PCLO: variants seen among roughly 807,000 people sequenced by gnomAD.
PCLO encodes the protein piccolo presynaptic cytomatrix protein, also known as protein piccolo.
In PCLO, 82 loss-of-function variants were observed where a neutral mutation model predicts 427.5. That is an observed-to-expected ratio of 0.19 (90% CI 0.16 to 0.23). PCLO has a LOEUF of 0.23. Ranked by LOEUF, PCLO falls within the 10% of genes least tolerant of loss-of-function variation. The pLI is 1.00. For missense variants in PCLO, 6,239 were observed against 6,115.9 expected, an observed-to-expected ratio of 1.02 and a Z score of -0.67; for synonymous variants, 2,357 against 2,155.4, an observed-to-expected ratio of 1.09 and a Z score of -2.59.
At chr7:82,969,144 G>A (rs1795847611) in intron 3 of PCLO, among the ~76,000 whole-genome samples, 1 of 152,066 alleles carries the variant, frequency 6.6e-6, no homozygotes, top group Non-Finnish European at 1.5e-5. Context: ...AGAAAAATGT[G>A]TTGAGAAAAT....
chr7:82,955,173 T>G lies in PCLO; in HGVS notation c.5780A>C (p.Lys1927Thr). Residue 1927 changes from lysine to threonine, a missense_variant, in exon 5 of 25, where the codon AAA becomes ACA. This residue lies in a region of PCLO where 4,677 missense variants were observed against 4,468.4 expected (regional missense o/e 1.05). Transcript: ENST00000333891. Reference protein sequence around the residue: ...MYEEMMHKTHKYKAFPAANER... With the variant: ...MYEEMMHKTHTYKAFPAANER... ...ATTTGCAGCTGGAAAAGCTTTGTAT[T>G]TGTGTGTTTTATGCATCATTTCTTC... 1 of 1,613,884 alleles carries G rather than the reference T, an allele frequency of 6.2e-7. No homozygotes were observed. Among genetic ancestry groups the G allele is most frequent in the Admixed American group, 1.7e-5 (1 of 60,020 alleles).
At chr7:83,146,811 A>G (rs962327848) in intron 2 of PCLO, among the ~76,000 whole-genome samples, 9 of 152,052 alleles carry the variant, frequency 5.9e-5, no homozygotes, top group African/African-American at 2.2e-4. Flanking sequence ...CATGTTGGCC[A>G]GGCTGATCTC....
chr7:83,025,141 C>T (rs996762867), intron 3 of PCLO, among the ~76,000 whole-genome samples: 20 of 151,920 alleles, frequency 1.3e-4, no homozygotes, highest in Non-Finnish European at 2.5e-4. Flanking sequence ...AGGCTTCAGA[C>T]GATCAAATTA....
intron 3 of PCLO, among the ~76,000 whole-genome samples, chr7:83,013,993 T>C (rs1273164801): frequency 1.3e-5 from 2 of 152,176 alleles, no homozygotes; most frequent in African/African-American, 2.4e-5. Flanking sequence ...TTTATACCAC[T>C]AGCACCTGCA....
chr7:82,872,741 C>A (rs1276175177), intron 10 of PCLO, among the ~76,000 whole-genome samples: 2 of 152,028 alleles, frequency 1.3e-5, no homozygotes, highest in Non-Finnish European at 2.9e-5. Context: ...TCCTAAATAA[C>A]CAGGGAATGC....
chr7:82,973,936 T>C (rs2115722528), intron 3 of PCLO, among the ~76,000 whole-genome samples: 1 of 152,282 alleles, frequency 6.6e-6, no homozygotes, highest in South Asian at 2.1e-4. Flanking sequence ...CATATACTTT[T>C]TTCTGAAACT....
In PCLO at chr7:82,949,650, G is replaced by C; in HGVS notation, c.10938C>G (p.Pro3646=). ...LESAFVPYEK[P]LPDDISPQKV... ...TCTGTGGACTTATATCATCAGGGAG[G>C]GGTTTTTCATAAGGTACAAAGGCTG... Residue 3646 remains proline (P), a synonymous_variant, in exon 6 of 25, where the codon CCC becomes CCG. Transcript: ENST00000333891. 6.2e-7 allele frequency: 1 copy of C among 1,613,812 alleles called. No homozygotes were observed. The highest frequency in any genetic ancestry group is 2.2e-5 in the East Asian group (1 of 44,860).
At chr7:83,052,399 C>T (rs1789277666) in intron 3 of PCLO, among the ~76,000 whole-genome samples, 1 of 151,924 alleles carries the variant, frequency 6.6e-6, no homozygotes, top group South Asian at 2.1e-4. Context: ...TTATTTGGAA[C>T]CCAATACTAT....
chr7:82,948,032 A>G (rs991980820), intron 6 of PCLO, among the ~76,000 whole-genome samples: 1 of 152,140 alleles, frequency 6.6e-6, no homozygotes, highest in Non-Finnish European at 1.5e-5. Flanking sequence ...GCCAAAAATC[A>G]TATTTCAAAG....
In PCLO at chr7:82,949,508, T is replaced by C. The variant is rs751271257; in HGVS notation, c.11080A>G (p.Arg3694Gly). The C allele has an allele frequency of 4.3e-6, 7 of 1,610,398 alleles. No individual in the cohort carries two copies. Among genetic ancestry groups the C allele is most frequent in the South Asian group, 1.1e-5 (1 of 90,654 alleles). Residue 3694 changes from arginine to glycine, a missense_variant, in exon 6 of 25, where the codon AGG (arginine) becomes GGG (glycine). Physicochemically the swap from Arg to Gly is moderately radical, Grantham distance 125. Transcript: ENST00000333891. ...CCCTCGGTATACTGAAAAGGAGCCC[T>C]GGAACTTTCGTCTGCTGTTGGACTC... ...PLSPTADESS[R>G]APFQYTEGYT...
intron 3 of PCLO, among the ~76,000 whole-genome samples, chr7:83,080,354 C>T (rs1790066882): frequency 6.6e-6 from 1 of 152,112 alleles, no homozygotes; most frequent in Non-Finnish European, 1.5e-5. Context: ...TAAAAGCATT[C>T]CTCTTTCTCC....
intron 4 of PCLO, among the ~76,000 whole-genome samples, chr7:82,957,969 T>C (rs1423787512): frequency 6.6e-6 from 1 of 152,162 alleles, no homozygotes; most frequent in Non-Finnish European, 1.5e-5. Context: ...AAACATTAAA[T>C]ACAGAGACTT....
chr7:83,144,956 A>G (rs939031077), intron 2 of PCLO, among the ~76,000 whole-genome samples: 3 of 152,212 alleles, frequency 2.0e-5, no homozygotes, highest in Non-Finnish European at 4.4e-5. Flanking sequence ...TAGAAGTGTC[A>G]TATTTCTGTA....
intron 3 of PCLO, among the ~76,000 whole-genome samples, chr7:83,033,190 C>T (rs1788714198): frequency 1.3e-5 from 2 of 152,056 alleles, no homozygotes; most frequent in African/African-American, 2.4e-5. Context: ...TAAAAATTAC[C>T]CAATCTCAGG....
chr7:82,855,956 T>C (rs377200448), intron 10 of PCLO, among the ~76,000 whole-genome samples: 3 of 152,250 alleles, frequency 2.0e-5, no homozygotes, highest in South Asian at 2.1e-4. Flanking sequence ...GAGGTGCCTT[T>C]AGAAAGTTGA....
chr7:83,019,109 C>T (rs12707534), intron 3 of PCLO, among the ~76,000 whole-genome samples: 1 of 151,800 alleles, frequency 6.6e-6, no homozygotes, highest in African/African-American at 2.4e-5. Context: ...GACATTTATA[C>T]ATGAGTGAGT....
At chr7:83,032,688 G>A (rs1002161498) in intron 3 of PCLO, among the ~76,000 whole-genome samples, 5 of 151,968 alleles carry the variant, frequency 3.3e-5, no homozygotes, top group African/African-American at 1.2e-4. Context: ...TTTCATTTAT[G>A]GTGTCACCAT....
In PCLO at chr7:82,827,971, A is replaced by G; in HGVS notation, c.14250-5T>C. 6.5e-7 allele frequency: 1 copy of G among 1,541,712 alleles called. No homozygotes were observed. The highest frequency in any genetic ancestry group is 9.0e-7 in the Non-Finnish European group (1 of 1,117,238). On this transcript the variant is annotated splice_region_variant and splice_polypyrimidine_tract_variant and intron_variant, in intron 16 of 24. Transcript: ENST00000333891. ...GTCCTTCTCTTGTACTCAGCACTGA[A>G]TTGGGAGAAAAGAAAGAGTTATCTT...
rs987677945 is a variant in PCLO, at chr7:82,758,087, T to G, written c.*488A>C. The G allele has an allele frequency of 6.6e-6, 1 of 152,206 alleles. No homozygotes were observed. The highest frequency in any genetic ancestry group is 1.9e-4 in the East Asian group (1 of 5,184). The allele number at this position is 152,206 out of a possible 1,614,324, so 9.4% of individuals were successfully genotyped here. On this transcript the variant is annotated 3_prime_UTR_variant, in exon 25 of 25. Coordinates refer to ENST00000333891, the MANE Select transcript of PCLO (RefSeq NM_033026.6). ...GGACACATACTGTAGGTATATCTTA[T>G]GTCAGAATCTGAAAGCAGCAAGTTG... is the stretch of plus-strand genomic sequence containing the variant.
Sources: allele counts gnomAD v4.1 joint callset (sites outside exome capture counted in the v4.1 genomes callset), GRCh38; gene constraint gnomAD v4.1.1; regional missense constraint gnomAD v4.1.1; transcripts MANE v1.5; gene names NCBI Gene and HGNC (gene_info 2026-07-23, HGNC 2026-07-21).